FAM81A: variants seen among roughly 807,000 people sequenced by gnomAD.
FAM81A encodes the protein protein FAM81A.
In FAM81A, 19 loss-of-function variants were observed where a neutral mutation model predicts 46.7. The ratio of observed to expected loss-of-function variants is 0.41; its 90% confidence interval spans 0.28 to 0.60. FAM81A has a LOEUF of 0.60. Ranked by LOEUF, FAM81A falls within the 20% of genes least tolerant of loss-of-function variation. FAM81A has a pLI of 0.34. For synonymous variants in FAM81A, 183 were observed against 152.9 expected (o/e 1.20, Z -1.45); for missense variants, 377 against 453.5 (o/e 0.83, Z 1.53).
chr15:59,507,090 T>G, intron 4 of FAM81A, 123 bp from the exon 5 acceptor site: 1 of 1,281,772 alleles, frequency 7.8e-7, no homozygotes, highest in South Asian at 1.6e-5. Context: ...GAACCTCTGT[T>G]CAAAAGAATG....
intron 3 of FAM81A, among the ~76,000 whole-genome samples, chr15:59,487,931 A>G (rs1024356498): frequency 6.6e-6 from 1 of 151,240 alleles, no homozygotes; most frequent in East Asian, 1.9e-4. Flanking sequence ...TACCAAAATT[A>G]AAGATGCAAA....
upstream of FAM81A, among the ~76,000 whole-genome samples, chr15:59,433,297 T>A (rs2081229350): frequency 7.6e-6 from 1 of 132,160 alleles, no homozygotes; most frequent in African/African-American, 2.8e-5. Context: ...GACTTCTTTA[T>A]TTCAGATTTC....
chr15:59,413,534 T>C (rs980540072), intron 2 of FAM81A, among the ~76,000 whole-genome samples: 2 of 151,968 alleles, frequency 1.3e-5, no homozygotes, highest in Non-Finnish European at 2.9e-5. Flanking sequence ...GGGGATATAA[T>C]CTTGGGCAAA....
At chr15:59,437,782 G>C (rs2081253426), upstream of FAM81A, among the ~76,000 whole-genome samples, 1 of 152,102 alleles carries the variant, frequency 6.6e-6, no homozygotes, top group Admixed American at 6.5e-5. Flanking sequence ...GAATTGCAGT[G>C]CCACCACCAT....
chr15:59,459,819 A>G, intron 2 of FAM81A, 114 bp from the exon 3 acceptor site: 1 of 1,384,052 alleles, frequency 7.2e-7, no homozygotes, highest in Non-Finnish European at 9.5e-7. Flanking sequence ...CTCAAACCCT[A>G]TTTAGCTTGT....
In FAM81A at chr15:59,409,414, C is replaced by A. The variant is rs1567036184; in HGVS notation, c.-78+7056C>A. ...TCTTCCATCCAGAGAGAAAACAATA[C>A]CCCCTACTTCATGCTTCATGACCAT... On this transcript the variant is annotated intron_variant, in intron 2 of 4. Coordinates refer to the FAM81A transcript ENST00000558348. Among the ~76,000 whole-genome samples the A allele has an allele frequency of 3.3e-5, 5 of 152,178 alleles. No individual in the cohort carries two copies. In the South Asian group the frequency reaches 1.0e-3, roughly 31 times the overall value.
chr15:59,496,211 T>A (rs1204756502), intron 4 of FAM81A, among the ~76,000 whole-genome samples: 1 of 152,210 alleles, frequency 6.6e-6, no homozygotes, highest in Non-Finnish European at 1.5e-5. Flanking sequence ...AAGGTAAGGT[T>A]CCACATTTAT....
At chr15:59,398,778 A>AAG in intron 1 of FAM81A, among the ~76,000 whole-genome samples, 1 of 150,396 alleles carries the variant, frequency 6.6e-6, no homozygotes, top group South Asian at 2.1e-4. Flanking sequence ...AAAAAAAAAA[A>AAG]AAAAAAAAAA....
chr15:59,487,449 T>A (rs1358561202), intron 3 of FAM81A, among the ~76,000 whole-genome samples: 1 of 150,464 alleles, frequency 6.6e-6, no homozygotes, highest in African/African-American at 2.4e-5. Flanking sequence ...GAGAACAATT[T>A]AAAAAAATCA....
At chr15:59,490,789 T>C (rs2081972387) in intron 3 of FAM81A, among the ~76,000 whole-genome samples, 1 of 152,288 alleles carries the variant, frequency 6.6e-6, no homozygotes, top group African/African-American at 2.4e-5. Flanking sequence ...TGAGCCGATA[T>C]CATGCCACTA....
chr15:59,435,876 A>T (rs185869053), upstream of FAM81A, among the ~76,000 whole-genome samples: 25 of 152,310 alleles, frequency 1.6e-4, no homozygotes, highest in East Asian at 4.6e-3. Flanking sequence ...GAAAAAATGG[A>T]TATTTCGTTG....
chr15:59,411,858 G>A (rs1224227853), intron 2 of FAM81A, among the ~76,000 whole-genome samples: 2 of 151,998 alleles, frequency 1.3e-5, no homozygotes, highest in African/African-American at 4.8e-5. Flanking sequence ...AGGTTGCAGT[G>A]AGCCGAGACT....
At chr15:59,496,329 G>A (rs1022659520) in intron 4 of FAM81A, among the ~76,000 whole-genome samples, 1 of 152,138 alleles carries the variant, frequency 6.6e-6, no homozygotes, top group South Asian at 2.1e-4. Context: ...CTTGGCGGCC[G>A]GGAGCGGTGG....
intron 3 of FAM81A, among the ~76,000 whole-genome samples, chr15:59,474,145 T>C (rs1041701426): frequency 5.3e-5 from 8 of 152,202 alleles, no homozygotes; most frequent in African/African-American, 1.7e-4. Flanking sequence ...ATAGCATTTA[T>C]TGAATAGGAC....
At position 59,507,348 on chromosome 15, in the gene FAM81A, A is replaced by G. The variant is rs1431950457; in HGVS notation, c.543+6A>G. 6.2e-7 allele frequency: 1 copy of G among 1,611,116 alleles called. No homozygotes were observed. Among genetic ancestry groups the G allele is most frequent in the Non-Finnish European group, 8.5e-7 (1 of 1,178,576 alleles). On this transcript the variant is annotated splice_donor_region_variant and intron_variant, in intron 5 of 8. Transcript: ENST00000288228. ...TCAAAGATGCAGAGGGACAGGTACG[A>G]CCTGTTTCAGGTAGCTTTTAGAAGC...
chr15:59,449,547 C>T (rs983278669), intron 1 of FAM81A, among the ~76,000 whole-genome samples: 2 of 152,078 alleles, frequency 1.3e-5, no homozygotes, highest in South Asian at 4.2e-4. Flanking sequence ...TTTGGGAGGC[C>T]AAGGCGGGCG....
rs577026620 is a variant in FAM81A at position 59,481,288 on chromosome 15, G to T, written c.295-10983G>T. ...GCTGGGATTACAGGAGTGAGCCATC[G>T]CACCCGACCCCAGAGCGGTTCTAAT... On this transcript the variant is annotated intron_variant, in intron 3 of 8. Transcript: ENST00000288228. Among the ~76,000 whole-genome samples the T allele has an allele frequency of 9.9e-5, 15 of 152,234 alleles. No homozygotes were observed. The South Asian group carries it at 3.1e-3, about 32-fold the overall frequency.
intron 2 of FAM81A, among the ~76,000 whole-genome samples, chr15:59,404,669 C>T (rs1322885983): frequency 6.6e-6 from 1 of 152,148 alleles, no homozygotes; most frequent in African/African-American, 2.4e-5. Context: ...GTTGCTCAGG[C>T]TGGCCTCCAG....
chr15:59,431,626 A>G (rs1227813734), intron 2 of FAM81A, among the ~76,000 whole-genome samples: 1 of 148,776 alleles, frequency 6.7e-6, no homozygotes, highest in East Asian at 2.0e-4. Context: ...CAACCGCCCC[A>G]GTAGCTGGGA....
Sources: gnomAD v4.1 joint callset for allele counts (sites outside exome capture counted in the v4.1 genomes callset) on GRCh38, gnomAD v4.1.1 for gene constraint, MANE v1.5 for transcripts, NCBI Gene and HGNC (gene_info 2026-07-23, HGNC 2026-07-21) for gene names.